KCNH1: variants seen among roughly 807,000 people sequenced by gnomAD.
The protein encoded by KCNH1 is potassium voltage-gated channel subfamily H member 1.
Under a neutral mutation model 69.2 loss-of-function variants are expected in KCNH1, and 27 were observed. That is an observed-to-expected ratio of 0.39 (90% CI 0.29 to 0.54). The LOEUF (loss-of-function observed/expected upper bound fraction) is 0.54. Among genes scored for constraint, KCNH1 ranks in the 20% least tolerant of loss-of-function variants. The probability of loss-of-function intolerance (pLI) is 0.68; values close to 1 mark genes in which losing one functional copy is unlikely to be tolerated. For missense variants in KCNH1, 798 were observed against 1,261.6 expected (o/e 0.63, Z 5.57); for synonymous variants, 456 against 487.7 (o/e 0.93, Z 0.86).
chr1:210,979,940 G>A (rs1169021269), intron 6 of KCNH1, among the ~76,000 whole-genome samples: 1 of 152,188 alleles, frequency 6.6e-6, no homozygotes, highest in Non-Finnish European at 1.5e-5. Flanking sequence ...TGTATTAATT[G>A]TAATATCTTT....
intron 7 of KCNH1, among the ~76,000 whole-genome samples, chr1:210,829,302 C>A (rs1290057290): frequency 6.6e-6 from 1 of 152,172 alleles, no homozygotes; most frequent in Non-Finnish European, 1.5e-5. Flanking sequence ...ACAGTGCTTT[C>A]CCTATGGTAA....
intron 9 of KCNH1, among the ~76,000 whole-genome samples, chr1:210,791,003 C>T (rs2102392183): frequency 6.6e-6 from 1 of 152,268 alleles, no homozygotes; most frequent in Non-Finnish European, 1.5e-5. Context: ...CACTTTCCTT[C>T]CCTAGGCCTC....
rs767988240 is a variant in KCNH1 at position 210,683,570 on chromosome 1, A to C, written c.2681T>G (p.Val894Gly). 1.5e-5 allele frequency: 24 copies of C among 1,613,846 alleles called. No individual in the cohort carries two copies. Among genetic ancestry groups the C allele is most frequent in the Non-Finnish European group, 1.9e-5 (22 of 1,180,000 alleles). The change falls in exon 11 of 11, where the codon GTG becomes GGG. Residue 894 changes from valine to glycine, a missense_variant. Coordinates refer to ENST00000271751, the MANE Select transcript of KCNH1 (RefSeq NM_172362.3). The surrounding 1 kb of genome is among the most constrained non-coding windows in gnomAD (Gnocchi z 5.7). ...ATCCTGGGGACTCCTGGCCTCACCC[A>C]CGTTGTCCAGGCGCAAGTCGCTCTT... is the stretch of plus-strand genomic sequence containing the variant. ...ITKSDLRLDNVGEARSPQDRS... is the reference protein window; with the variant it reads ...ITKSDLRLDNGGEARSPQDRS...
At chr1:211,003,417 C>T (rs539445414) in intron 6 of KCNH1, among the ~76,000 whole-genome samples, 1 of 152,332 alleles carries the variant, frequency 6.6e-6, no homozygotes, top group African/African-American at 2.4e-5. Context: ...TATCTCTCTG[C>T]TTCTAGCTAT....
rs1028696415 is a variant in KCNH1 at position 210,838,520 on chromosome 1, T to C, written c.1463-34354A>G. Among the ~76,000 whole-genome samples the C allele has an allele frequency of 5.9e-5, 9 of 152,274 alleles. No homozygotes were observed. The South Asian group carries it at 6.2e-4, about 11-fold the overall frequency. On this transcript the variant is annotated intron_variant, in intron 7 of 10. Transcript: ENST00000271751. ...GACATAGGCATGGGCAAAGATTTCATGATGAAGATACCAAAAGCAACTGCA... is the reference window on the plus strand; with the variant it reads ...GACATAGGCATGGGCAAAGATTTCACGATGAAGATACCAAAAGCAACTGCA...
chr1:210,742,075 G>A (rs556827556), intron 10 of KCNH1, among the ~76,000 whole-genome samples: 2 of 152,330 alleles, frequency 1.3e-5, no homozygotes, highest in South Asian at 4.1e-4. Flanking sequence ...GAGGCCAAGA[G>A]GAGACAGTGC....
At chr1:210,743,606 T>G (rs1683086090) in intron 10 of KCNH1, among the ~76,000 whole-genome samples, 1 of 152,134 alleles carries the variant, frequency 6.6e-6, no homozygotes, top group Non-Finnish European at 1.5e-5. Flanking sequence ...GAACGCCTAT[T>G]TTTAGACTTG....
At chr1:210,906,425 T>C (rs776939813) in intron 7 of KCNH1, among the ~76,000 whole-genome samples, 1 of 152,202 alleles carries the variant, frequency 6.6e-6, no homozygotes, top group East Asian at 1.9e-4. Context: ...CAACACCACA[T>C]GACTCCTCCC....
chr1:210,759,917 T>C (rs1558458155), intron 10 of KCNH1, among the ~76,000 whole-genome samples: 1 of 152,180 alleles, frequency 6.6e-6, no homozygotes, highest in Non-Finnish European at 1.5e-5. Flanking sequence ...AACGGGTCCA[T>C]ACAGCAGGAG....
intron 10 of KCNH1, among the ~76,000 whole-genome samples, chr1:210,692,689 A>C (rs1462684452): frequency 2.6e-5 from 4 of 152,170 alleles, no homozygotes; most frequent in Non-Finnish European, 4.4e-5. Flanking sequence ...GAACACAGAG[A>C]AAGGCCATGG....
chr1:210,684,716 TAA>T (rs1420769247), intron 10 of KCNH1, among the ~76,000 whole-genome samples: 1 of 152,194 alleles, frequency 6.6e-6, no homozygotes, highest in African/African-American at 2.4e-5. Flanking sequence ...CTGTGAAAAG[TAA>T]AAGTCATTCT....
At position 210,797,749 on chromosome 1, in the gene KCNH1, G is replaced by T. The variant is rs886542945; in HGVS notation, c.1674C>A (p.Ile558=). Residue 558 remains isoleucine, a synonymous_variant, in exon 9 of 11, where the codon ATC becomes ATA. Coordinates refer to ENST00000271751, the MANE Select transcript of KCNH1 (RefSeq NM_172362.3). ...RGIDTEKVLQ[I]CPKDMRADIC... is the part of the protein sequence containing the mutation. Reference sequence around the variant, plus strand: ...TGTCGGCTCTCATGTCCTTGGGGCAGATCTGCAGGACCTAGCCAGGTACAG... The same window carrying T: ...TGTCGGCTCTCATGTCCTTGGGGCATATCTGCAGGACCTAGCCAGGTACAG... The T allele has an allele frequency of 1.9e-6, 3 of 1,612,592 alleles. No individual in the cohort carries two copies. Among genetic ancestry groups the T allele is most frequent in the Non-Finnish European group, 2.5e-6 (3 of 1,178,742 alleles).
chr1:210,710,891 C>T (rs1045335942), intron 10 of KCNH1, among the ~76,000 whole-genome samples: 14 of 152,348 alleles, frequency 9.2e-5, no homozygotes, highest in Admixed American at 3.9e-4. Context: ...CTGCACTCTA[C>T]AGCAAACAGA....
intron 6 of KCNH1, among the ~76,000 whole-genome samples, chr1:210,981,420 T>G (rs1688708708): frequency 7.0e-6 from 1 of 143,738 alleles, no homozygotes; most frequent in African/African-American, 2.5e-5. Context: ...ACCATGGCTA[T>G]ATGAAGAAAA....
intron 9 of KCNH1, among the ~76,000 whole-genome samples, chr1:210,791,752 C>T (rs1291373363): frequency 6.6e-6 from 1 of 151,956 alleles, no homozygotes; most frequent in Non-Finnish European, 1.5e-5. Context: ...TTCTTTATAC[C>T]CCCAAAGAGA....
chr1:210,966,173 C>G (rs1018970167), intron 6 of KCNH1, among the ~76,000 whole-genome samples: 1 of 152,192 alleles, frequency 6.6e-6, no homozygotes, highest in Admixed American at 6.6e-5. Flanking sequence ...GGAAAACTGG[C>G]TAGCCATATG....
intron 5 of KCNH1, among the ~76,000 whole-genome samples, chr1:211,072,778 G>C (rs1412367469): frequency 2.0e-5 from 3 of 152,008 alleles, no homozygotes; most frequent in African/African-American, 7.2e-5. Context: ...AAAATGCTCA[G>C]TTAAAACCAA....
At chr1:211,086,338 C>T (rs1690952520) in intron 4 of KCNH1, among the ~76,000 whole-genome samples, 1 of 152,168 alleles carries the variant, frequency 6.6e-6, no homozygotes, top group Non-Finnish European at 1.5e-5. Context: ...TGCACCCACT[C>T]CTCCAATTAT....
At position 211,116,826 on chromosome 1, in the gene KCNH1, G is replaced by C. The variant is rs1191476416; in HGVS notation, c.80-9449C>G. The stretch of plus-strand genomic sequence containing the variant: ...CCTAGGAGTAGGTCAGTAACTCATG[G>C]TCTAGAAGCCAGGGTATAAGCTTGA... On this transcript the variant is annotated intron_variant, in intron 1 of 10. Transcript: ENST00000271751. Among the ~76,000 whole-genome samples, 3 of 152,142 alleles carry C rather than the reference G, an allele frequency of 2.0e-5. No homozygotes were observed. In the East Asian group the frequency reaches 5.8e-4, roughly 29 times the overall value.
Sources: allele counts gnomAD v4.1 joint callset (sites outside exome capture counted in the v4.1 genomes callset), GRCh38; gene constraint gnomAD v4.1.1; non-coding constraint Gnocchi (gnomAD v3.1); transcripts MANE v1.5; gene names NCBI Gene and HGNC (gene_info 2026-07-23, HGNC 2026-07-21).